CEP112: variants seen among roughly 807,000 people sequenced by gnomAD.
The protein encoded by CEP112 is centrosomal protein of 112 kDa.
Under a neutral mutation model 153.0 loss-of-function variants are expected in CEP112, and 127 were observed. The ratio of observed to expected loss-of-function variants is 0.83; its 90% confidence interval spans 0.72 to 0.96. CEP112 has a LOEUF of 0.96. Ranked by LOEUF, CEP112 falls within the 40% of genes least tolerant of loss-of-function variation. The pLI is 0.00. For missense variants in CEP112, 1,089 were observed against 1,101.2 expected, an observed-to-expected ratio of 0.99 and a Z score of 0.16; for synonymous variants, 358 against 374.4, an observed-to-expected ratio of 0.96 and a Z score of 0.51.
intron 4 of CEP112, among the ~76,000 whole-genome samples, chr17:66,139,295 A>G (rs868687609): frequency 5.9e-5 from 9 of 152,306 alleles, no homozygotes; most frequent in Middle Eastern, 6.8e-3. Flanking sequence ...AAGACATTAC[A>G]CTCAATTTAA....
intron 12 of CEP112, among the ~76,000 whole-genome samples, chr17:66,047,410 C>T (rs2066257405): frequency 6.6e-6 from 1 of 152,196 alleles, no homozygotes; most frequent in Non-Finnish European, 1.5e-5. Context: ...AGCCACTGCA[C>T]CCAGCCTGTT....
chr17:65,761,504 T>C (rs2052608636), intron 21 of CEP112, among the ~76,000 whole-genome samples: 1 of 152,158 alleles, frequency 6.6e-6, no homozygotes, highest in African/African-American at 2.4e-5. Flanking sequence ...CTATTGATTT[T>C]AGATATTTCT....
chr17:66,159,446 C>T (rs376195393), intron 4 of CEP112, among the ~76,000 whole-genome samples: 1 of 152,138 alleles, frequency 6.6e-6, no homozygotes, highest in African/African-American at 2.4e-5. Context: ...ATGCAAAAAT[C>T]GTCAATAAAA....
At chr17:65,725,151 G>T (rs2050107313) in intron 23 of CEP112, among the ~76,000 whole-genome samples, 1 of 152,160 alleles carries the variant, frequency 6.6e-6, no homozygotes, top group Admixed American at 6.6e-5. Context: ...TTAAACTGAA[G>T]GCTTAGATAT....
At chr17:66,079,674 C>A (rs933111958) in intron 8 of CEP112, among the ~76,000 whole-genome samples, 25 of 152,128 alleles carry the variant, frequency 1.6e-4, no homozygotes, top group African/African-American at 6.0e-4. Context: ...ATTTCATATG[C>A]AACCAAAGAA....
chr17:65,710,192 C>T (rs2049104020), intron 23 of CEP112, among the ~76,000 whole-genome samples: 1 of 152,166 alleles, frequency 6.6e-6, no homozygotes, highest in African/African-American at 2.4e-5. Flanking sequence ...CTGTGCTTCT[C>T]CTGAGCACTT....
chr17:65,727,013 G>A (rs2050220123), intron 23 of CEP112, among the ~76,000 whole-genome samples: 1 of 152,174 alleles, frequency 6.6e-6, no homozygotes, highest in South Asian at 2.1e-4. Flanking sequence ...CCTGTCAGGG[G>A]GAACTGCTGG....
chr17:65,865,347 G>C (rs2058448553), intron 20 of CEP112, among the ~76,000 whole-genome samples: 1 of 151,738 alleles, frequency 6.6e-6, no homozygotes, highest in Non-Finnish European at 1.5e-5. Context: ...CAGCCAAGAA[G>C]GACTGTTGCA....
At position 66,005,804 on chromosome 17, in the gene CEP112, G is replaced by C. The variant is rs759777005; in HGVS notation, c.1657-35C>G. 2.0e-5 allele frequency: 32 copies of C among 1,568,006 alleles called. No homozygotes were observed. In the East Asian group the frequency reaches 7.3e-4, roughly 36 times the overall value. Reference sequence around the variant, plus strand: ...CAAGAACATGGAAAATTTATTGGAAGACGAGTAAAGTTTACTTCAAAGAGA... The same window carrying C: ...CAAGAACATGGAAAATTTATTGGAACACGAGTAAAGTTTACTTCAAAGAGA... On this transcript the variant is annotated intron_variant, in intron 16 of 26. Coordinates refer to ENST00000535342, the MANE Select transcript of CEP112 (RefSeq NM_001199165.4).
chr17:66,055,123 T>C (rs1302719512), intron 11 of CEP112, among the ~76,000 whole-genome samples: 3 of 152,106 alleles, frequency 2.0e-5, no homozygotes, highest in Admixed American at 1.3e-4. Flanking sequence ...AGAGGCAGTG[T>C]GAACTCTTAT....
chr17:65,832,502 T>G (rs1479620202), intron 21 of CEP112, among the ~76,000 whole-genome samples: 1 of 150,842 alleles, frequency 6.6e-6, no homozygotes, highest in African/African-American at 2.4e-5. Flanking sequence ...TAAACACAAT[T>G]AGAAATGACT....
chr17:66,103,590 C>A (rs2068655705), intron 6 of CEP112, among the ~76,000 whole-genome samples: 1 of 152,062 alleles, frequency 6.6e-6, no homozygotes, highest in African/African-American at 2.4e-5. Flanking sequence ...CAAATAGAAG[C>A]CTTTAGCAAT....
chr17:65,881,300 CT>C (rs1280043289), intron 20 of CEP112, among the ~76,000 whole-genome samples: 13 of 151,444 alleles, frequency 8.6e-5, no homozygotes, highest in African/African-American at 2.2e-4. Context: ...AGGAATGCTA[CT>C]TTTTTTTTAT....
In CEP112 at chr17:65,788,114, C is replaced by A. The variant is rs529654682; in HGVS notation, c.2395-37390G>T. Among the ~76,000 whole-genome samples, 7 of 152,264 alleles carry A rather than the reference C, an allele frequency of 4.6e-5. No homozygotes were observed. The East Asian group carries it at 1.4e-3, about 29-fold the overall frequency. Reference sequence around the variant, plus strand: ...CCTATTCCTAGCTTATTAAGATTATCACAGATATGAGTTGAATTTTGCCAA... The same window carrying A: ...CCTATTCCTAGCTTATTAAGATTATAACAGATATGAGTTGAATTTTGCCAA... On this transcript the variant is annotated intron_variant, in intron 21 of 26. Transcript: ENST00000535342.
At chr17:66,038,659 G>A (rs1447775891) in intron 12 of CEP112, among the ~76,000 whole-genome samples, 2 of 152,200 alleles carry the variant, frequency 1.3e-5, no homozygotes, top group Non-Finnish European at 2.9e-5. Context: ...TATGACAACA[G>A]AATCAGGGAA....
intron 20 of CEP112, among the ~76,000 whole-genome samples, chr17:65,883,886 C>T (rs1432174899): frequency 6.6e-6 from 1 of 152,018 alleles, no homozygotes; most frequent in Non-Finnish European, 1.5e-5. Flanking sequence ...GGGACTGAAT[C>T]TATAGAATTT....
At chr17:65,969,838 A>G (rs76447997) in intron 17 of CEP112, among the ~76,000 whole-genome samples, 1 of 55,146 alleles carries the variant, frequency 1.8e-5, no homozygotes, top group East Asian at 6.1e-3. Flanking sequence ...CAAGCATATC[A>G]TCTATATATA....
chr17:66,184,013 C>T (rs2072825991), intron 1 of CEP112, among the ~76,000 whole-genome samples: 1 of 152,022 alleles, frequency 6.6e-6, no homozygotes. Flanking sequence ...CTTTGGGAGT[C>T]CCAGGCAGGA....
Position 65,961,585 on chromosome 17 carries a change from G to C in CEP112, c.1750C>G (p.Gln584Glu). ...FEEALKEKEE[Q>E]LTRVTEVQRL... is the part of the protein sequence containing the mutation. ...TGAACTTCAGTCACACGAGTTAGCT[G>C]CTCCTCTTTTTCCCTAGAAAGGTTC... Residue 584 changes from glutamine (Q) to glutamate (E), a missense_variant, in exon 18 of 27, where the codon CAG (glutamine) becomes GAG (glutamate). Gln to Glu is a conservative substitution (Grantham distance 29). Transcript: ENST00000535342. 1.2e-6 allele frequency: 2 copies of C among 1,611,468 alleles called. No homozygotes were observed. The highest frequency in any genetic ancestry group is 1.3e-5 in the African/African-American group (1 of 75,008).
Sources: gnomAD v4.1 joint callset for allele counts (sites outside exome capture counted in the v4.1 genomes callset) on GRCh38, gnomAD v4.1.1 for gene constraint, MANE v1.5 for transcripts, NCBI Gene and HGNC (gene_info 2026-07-23, HGNC 2026-07-21) for gene names.